Variants in SLFN12L observed in about 807,000 individuals in gnomAD.
The protein encoded by SLFN12L is schlafen family member 12-like.
In SLFN12L, 34 loss-of-function variants were observed where a neutral mutation model predicts 34.8. The observed-to-expected ratio is 0.98, with a 90% CI of 0.74 to 1.30. SLFN12L has a LOEUF of 1.30. Ranked by LOEUF, SLFN12L falls within the 50% of genes most tolerant of loss-of-function variation. SLFN12L has a pLI of 0.00. For missense variants in SLFN12L, 703 were observed against 696.2 expected, an observed-to-expected ratio of 1.01 and a Z score of -0.11; for synonymous variants, 259 against 247.5, an observed-to-expected ratio of 1.05 and a Z score of -0.44.
Position 35,474,716 on chromosome 17 carries a change from G to A in SLFN12L, c.*207C>T. ...GGGGGGGGTTGAATCACGAGGTCAG[G>A]AGTTCAAGACCAGCCTGGCCAAGAC... On this transcript the variant is annotated 3_prime_UTR_variant, in exon 5 of 5. Transcript: ENST00000628453. 1 of 384,322 alleles carries A rather than the reference G, an allele frequency of 2.6e-6. No homozygotes were observed. Among genetic ancestry groups the A allele is most frequent in the South Asian group, 2.8e-5 (1 of 35,970 alleles). 23.8% of individuals were successfully genotyped at this position (384,322 alleles called of 1,614,324 possible).
chr17:35,530,044 A>C (rs2072375856), intron 1 of SLFN12L, among the ~76,000 whole-genome samples: 1 of 151,550 alleles, frequency 6.6e-6, no homozygotes, highest in Non-Finnish European at 1.5e-5. Flanking sequence ...CTTCCGACTA[A>C]CATTATAACC....
chr17:35,477,041 A>G (rs1003802001), intron 4 of SLFN12L, among the ~76,000 whole-genome samples: 1 of 152,240 alleles, frequency 6.6e-6, no homozygotes, highest in Non-Finnish European at 1.5e-5. Flanking sequence ...AGGTGAAAAG[A>G]TGAAGATGTC....
At chr17:35,501,905 G>C (rs1039008708) in intron 2 of SLFN12L, among the ~76,000 whole-genome samples, 1 of 151,996 alleles carries the variant, frequency 6.6e-6, no homozygotes, top group Non-Finnish European at 1.5e-5. Context: ...GTGGTTGAGA[G>C]AACAGCAGCA....
At position 35,468,856 on chromosome 17, in the gene SLFN12L, A is replaced by T. The variant is rs2142117901; in HGVS notation, c.*6067T>A. ...CATGGGGAGACCCCATCTCTACAAA[A>T]CATATAAAAGTTAGCTGGGCATGGT... On this transcript the variant is annotated 3_prime_UTR_variant, in exon 5 of 5. Transcript: ENST00000628453. Among the ~76,000 whole-genome samples, 1 of 152,092 alleles carries T rather than the reference A, an allele frequency of 6.6e-6. No individual in the cohort carries two copies. Among genetic ancestry groups the T allele is most frequent in the African/African-American group, 2.4e-5 (1 of 41,470 alleles).
At chr17:35,476,057 C>T (rs933003096) in intron 4 of SLFN12L, among the ~76,000 whole-genome samples, 3 of 152,072 alleles carry the variant, frequency 2.0e-5, no homozygotes, top group African/African-American at 7.2e-5. Context: ...AGTAGCTTCA[C>T]ATTCACCTCT....
At chr17:35,480,885 A>G (rs1474772412) in intron 2 of SLFN12L, among the ~76,000 whole-genome samples, 1 of 152,086 alleles carries the variant, frequency 6.6e-6, no homozygotes, top group African/African-American at 2.4e-5. Context: ...CAGTATAATA[A>G]AGAAAATATA....
At chr17:35,535,318 G>C (rs2072448767) in intron 1 of SLFN12L, among the ~76,000 whole-genome samples, 1 of 150,778 alleles carries the variant, frequency 6.6e-6, no homozygotes, top group African/African-American at 2.4e-5. Context: ...AGCCTCCCTA[G>C]TAGCTGGGAT....
chr17:35,514,967 T>C (rs1268949477), intron 2 of SLFN12L: 4 of 455,270 alleles, frequency 8.8e-6, no homozygotes, highest in Non-Finnish European at 8.6e-6. Context: ...ACCAAAGCTA[T>C]ATCTCTTCCA....
intron 2 of SLFN12L, among the ~76,000 whole-genome samples, chr17:35,488,539 G>T (rs2142138193): frequency 6.6e-6 from 1 of 152,238 alleles, no homozygotes; most frequent in East Asian, 1.9e-4. Flanking sequence ...TGGTAATTAC[G>T]ATAATACACG....
At chr17:35,480,253 T>C (rs1000414672) in intron 2 of SLFN12L, 58 bp from the exon 3 acceptor site, 6 of 1,332,624 alleles carry the variant, frequency 4.5e-6, no homozygotes, top group Non-Finnish European at 6.0e-6. Context: ...AATTCTGCAT[T>C]ATGAGGCAAA....
intron 1 of SLFN12L, among the ~76,000 whole-genome samples, chr17:35,526,250 G>T (rs1169803433): frequency 6.6e-6 from 1 of 152,032 alleles, no homozygotes; most frequent in African/African-American, 2.4e-5. Flanking sequence ...CTCCCACACA[G>T]TAATAGTGGG....
At chr17:35,480,395 C>T in intron 2 of SLFN12L, 200 bp from the exon 3 acceptor site, 1 of 464,484 alleles carries the variant, frequency 2.2e-6, no homozygotes, top group Admixed American at 3.8e-5. Flanking sequence ...AAATTTGTTA[C>T]AACTGTTTTA....
chr17:35,497,433 AT>A (rs1191300580), intron 2 of SLFN12L, among the ~76,000 whole-genome samples: 1 of 151,908 alleles, frequency 6.6e-6, no homozygotes, highest in Non-Finnish European at 1.5e-5. Context: ...ATAAAAAATA[AT>A]TTTTTAAAAA....
chr17:35,476,417 A>G (rs954648890), intron 4 of SLFN12L, among the ~76,000 whole-genome samples: 3 of 151,014 alleles, frequency 2.0e-5, no homozygotes, highest in Non-Finnish European at 4.4e-5. Context: ...CCTGGGCAAT[A>G]TGGTGAAACC....
chr17:35,505,620 C>G (rs1262485053), intron 2 of SLFN12L, among the ~76,000 whole-genome samples: 1 of 152,160 alleles, frequency 6.6e-6, no homozygotes, highest in Non-Finnish European at 1.5e-5. Flanking sequence ...ATCAGAAAGC[C>G]CAGTTGAACA....
At chr17:35,510,075 A>G (rs12948636) in intron 2 of SLFN12L, 1 of 152,236 alleles carries the variant, frequency 6.6e-6, no homozygotes, top group Admixed American at 6.5e-5. Flanking sequence ...AAGTAGTGGA[A>G]CCACATGGAT....
intron 2 of SLFN12L, among the ~76,000 whole-genome samples, chr17:35,482,270 G>T (rs764389002): frequency 2.9e-4 from 44 of 152,216 alleles, no homozygotes; most frequent in Non-Finnish European, 2.9e-4. Flanking sequence ...ATGGGCGTTT[G>T]GGAGGTGATT....
At chr17:35,520,052 C>T (rs1915953237) in intron 2 of SLFN12L, among the ~76,000 whole-genome samples, 2 of 152,090 alleles carry the variant, frequency 1.3e-5, no homozygotes, top group South Asian at 4.1e-4. Context: ...TAAATAGGAC[C>T]TAAAGCCTTG....
chr17:35,489,031 C>T (rs1449902550), intron 2 of SLFN12L, among the ~76,000 whole-genome samples: 1 of 152,156 alleles, frequency 6.6e-6, no homozygotes, highest in African/African-American at 2.4e-5. Flanking sequence ...GATCCCGCCA[C>T]TGCACTCCAG....
Sources: gnomAD v4.1 joint callset for allele counts (sites outside exome capture counted in the v4.1 genomes callset) on GRCh38, gnomAD v4.1.1 for gene constraint, MANE v1.5 for transcripts, NCBI Gene and HGNC (gene_info 2026-07-23, HGNC 2026-07-21) for gene names.